Variants in AMBRA1 observed in about 807,000 individuals in gnomAD.
AMBRA1 encodes activating molecule in BECN1-regulated autophagy protein 1.
In AMBRA1, 47 loss-of-function variants were observed where a neutral mutation model predicts 125.4. That is an observed-to-expected ratio of 0.37 (90% CI 0.30 to 0.48). The LOEUF (loss-of-function observed/expected upper bound fraction) is 0.48, where lower values mean the gene tolerates loss of function less well. AMBRA1 is among the 20% of genes least tolerant of loss of function. The probability of loss-of-function intolerance (pLI) is 0.99; values close to 1 mark genes in which losing one functional copy is unlikely to be tolerated. For missense variants in AMBRA1, 1,331 were observed against 1,693.4 expected, an observed-to-expected ratio of 0.79 and a Z score of 3.76; for synonymous variants, 626 against 655.5, an observed-to-expected ratio of 0.95 and a Z score of 0.69.
intron 11 of AMBRA1, among the ~76,000 whole-genome samples, chr11:46,463,348 A>C (rs1435414593): frequency 6.6e-6 from 1 of 152,230 alleles, no homozygotes; most frequent in Non-Finnish European, 1.5e-5. Flanking sequence ...TGCCTCTGAT[A>C]GCAAGAACAC....
chr11:46,591,170 T>C (rs2044582226), intron 1 of AMBRA1: 1 of 152,228 alleles, frequency 6.6e-6, no homozygotes, highest in South Asian at 2.1e-4. Flanking sequence ...GCCAATGAGA[T>C]AGTCCTTATA....
At chr11:46,537,281 C>T (rs1320611771) in intron 7 of AMBRA1, among the ~76,000 whole-genome samples, 1 of 152,206 alleles carries the variant, frequency 6.6e-6, no homozygotes, top group Non-Finnish European at 1.5e-5. Flanking sequence ...AAGAAAACTG[C>T]TGTTTGAAGG....
chr11:46,552,575 C>T (rs892805912), intron 1 of AMBRA1, among the ~76,000 whole-genome samples: 1 of 150,816 alleles, frequency 6.6e-6, no homozygotes, highest in African/African-American at 2.4e-5. Context: ...ATCCCAGCTA[C>T]TCAGGGGGCT....
chr11:46,478,113 T>G (rs1356993883), intron 11 of AMBRA1, among the ~76,000 whole-genome samples: 1 of 152,100 alleles, frequency 6.6e-6, no homozygotes, highest in Non-Finnish European at 1.5e-5. Context: ...TTGGTCCCCA[T>G]AAAATAGTTT....
At chr11:46,528,932 A>G (rs971528379) in intron 7 of AMBRA1, among the ~76,000 whole-genome samples, 3 of 152,142 alleles carry the variant, frequency 2.0e-5, no homozygotes, top group African/African-American at 7.2e-5. Context: ...AAAGCAGAAG[A>G]GGCAAAAAGA....
chr11:46,516,551 C>T (rs1951497489), intron 7 of AMBRA1, among the ~76,000 whole-genome samples: 1 of 151,648 alleles, frequency 6.6e-6, no homozygotes, highest in African/African-American at 2.4e-5. Context: ...CTGCCTCAGC[C>T]TCCCAAGTAG....
chr11:46,503,396 T>C (rs1013460066), intron 9 of AMBRA1, among the ~76,000 whole-genome samples: 2 of 152,188 alleles, frequency 1.3e-5, no homozygotes, highest in African/African-American at 4.8e-5. Flanking sequence ...CTTATTGTCT[T>C]ATATGATTGT....
chr11:46,522,042 C>G (rs959889575), intron 7 of AMBRA1, among the ~76,000 whole-genome samples: 2 of 152,112 alleles, frequency 1.3e-5, no homozygotes, highest in Non-Finnish European at 2.9e-5. Context: ...CGATAGATGG[C>G]AAAACATGAG....
intron 14 of AMBRA1, among the ~76,000 whole-genome samples, chr11:46,433,093 T>C (rs547351940): frequency 6.6e-6 from 1 of 152,344 alleles, no homozygotes; most frequent in South Asian, 2.1e-4. Flanking sequence ...TTTCATGGCA[T>C]ACTATTACTT....
At position 46,543,075 on chromosome 11, in the gene AMBRA1, G is replaced by A. The variant is rs1952830726; in HGVS notation, c.942C>T (p.Cys314=). 3.1e-6 allele frequency: 5 copies of A among 1,595,182 alleles called. No homozygotes were observed. The highest frequency in any genetic ancestry group is 4.2e-6 in the Non-Finnish European group (5 of 1,177,958). ...AGAGGGAAGGAACTCGAGTGCCAGA[G>A]CAGCGGCTGCAAAGGCACAGGATCC... ...HLGILCLCSR[C]SGTRVPSLLP... The change falls in exon 7 of 18, where the codon TGC becomes TGT. Residue 314 remains cysteine, a synonymous_variant. Coordinates refer to ENST00000683756, the MANE Select transcript of AMBRA1 (RefSeq NM_001387011.1).
intron 9 of AMBRA1, among the ~76,000 whole-genome samples, chr11:46,501,551 G>T (rs1459253395): frequency 6.6e-6 from 1 of 152,202 alleles, no homozygotes; most frequent in African/African-American, 2.4e-5. Flanking sequence ...CAACAATAAT[G>T]ATGCAGTACT....
chr11:46,577,536 G>C (rs755278006), intron 1 of AMBRA1, among the ~76,000 whole-genome samples: 5 of 152,010 alleles, frequency 3.3e-5, no homozygotes, highest in Non-Finnish European at 7.4e-5. Flanking sequence ...TGAAACTAAA[G>C]AGGTTGCAGA....
At chr11:46,401,997 C>T (rs1565118512) in intron 17 of AMBRA1, among the ~76,000 whole-genome samples, 1 of 152,200 alleles carries the variant, frequency 6.6e-6, no homozygotes, top group Admixed American at 6.5e-5. Flanking sequence ...GGCAGCCCTG[C>T]TCCCTGCCTG....
At chr11:46,554,677 T>C (rs2043111487) in intron 1 of AMBRA1, among the ~76,000 whole-genome samples, 1 of 152,168 alleles carries the variant, frequency 6.6e-6, no homozygotes, top group Admixed American at 6.6e-5. Context: ...CTGTTCCCTG[T>C]AAAGAACAAA....
intron 17 of AMBRA1, among the ~76,000 whole-genome samples, chr11:46,400,582 T>C (rs548989152): frequency 8.3e-5 from 12 of 144,824 alleles, no homozygotes; most frequent in Admixed American, 1.4e-4. Context: ...GCTTAGCCTC[T>C]TGGGTGCAAG....
intron 12 of AMBRA1, among the ~76,000 whole-genome samples, chr11:46,437,449 T>C (rs976385750): frequency 6.6e-6 from 1 of 152,200 alleles, no homozygotes; most frequent in Non-Finnish European, 1.5e-5. Context: ...CGGTAGCATA[T>C]TCAGTTTCAG....
intron 1 of AMBRA1, among the ~76,000 whole-genome samples, chr11:46,576,583 T>G (rs2043967828): frequency 6.6e-6 from 1 of 152,190 alleles, no homozygotes; most frequent in Non-Finnish European, 1.5e-5. Context: ...ATAATATCCC[T>G]CGGTAACAAC....
At chr11:46,530,325 G>C (rs930254088) in intron 7 of AMBRA1, among the ~76,000 whole-genome samples, 3 of 152,186 alleles carry the variant, frequency 2.0e-5, no homozygotes, top group Non-Finnish European at 4.4e-5. Context: ...GGAATGATGA[G>C]GGATAATTTA....
At chr11:46,593,423 A>G (rs560276978) in intron 1 of AMBRA1, among the ~76,000 whole-genome samples, 2 of 152,192 alleles carry the variant, frequency 1.3e-5, no homozygotes, top group South Asian at 4.2e-4. Flanking sequence ...ACCTACTCAA[A>G]GGTCCCTTCA....
Sources: gnomAD v4.1 joint callset for allele counts (sites outside exome capture counted in the v4.1 genomes callset) on GRCh38, gnomAD v4.1.1 for gene constraint, MANE v1.5 for transcripts, NCBI Gene and HGNC (gene_info 2026-07-23, HGNC 2026-07-21) for gene names.